AP3M1: variants seen among roughly 807,000 people sequenced by gnomAD.
The protein encoded by AP3M1 is adaptor related protein complex 3 subunit mu 1.
In AP3M1, 29 loss-of-function variants were observed where a neutral mutation model predicts 42.6. The ratio of observed to expected loss-of-function variants is 0.68; its 90% CI spans 0.51 to 0.93. The LOEUF is 0.93. AP3M1 is among the 40% of genes least tolerant of loss of function. The probability of loss-of-function intolerance (pLI) is 0.00; values close to 1 mark genes in which losing one functional copy is unlikely to be tolerated. For missense variants in AP3M1, 416 were observed against 510.2 expected (o/e 0.82, Z 1.78); for synonymous variants, 178 against 175.3 (o/e 1.02, Z -0.12).
At position 74,132,072 on chromosome 10, in the gene AP3M1, C is replaced by G. The variant is rs181744557; in HGVS notation, c.583+1955G>C. On this transcript the variant is annotated intron_variant, in intron 4 of 8. Transcript: ENST00000355264. ...GTTTTTTTAGAGATGGAGTCTCACT[C>G]TGTCACCCAGGCTGGAGTGCAGTGG... is the stretch of plus-strand genomic sequence containing the variant. 2.0e-5 allele frequency among the ~76,000 whole-genome samples: 3 copies of G among 152,040 alleles called. No individual in the cohort carries two copies. In the East Asian group the frequency reaches 5.8e-4, roughly 30 times the overall value.
chr10:74,123,496 A>G lies in AP3M1; in HGVS notation c.*314T>C. The G allele has an allele frequency of 3.1e-6, 1 of 321,038 alleles. No homozygotes were observed. The highest frequency in any genetic ancestry group is 4.6e-5 in the South Asian group (1 of 21,692). The allele number at this position is 321,038 out of a possible 1,614,324, so 19.9% of individuals were successfully genotyped here. A position where few individuals can be genotyped will look rare whatever the true frequency, so the allele number is the denominator to read the frequency against. ...AGACCAGTTAACTCTTTTAGGAGAG[A>G]GGTTATCACTACAGCTTTCTGCCTT... is the stretch of plus-strand genomic sequence containing the variant. On this transcript the variant is annotated 3_prime_UTR_variant, in exon 9 of 9. Transcript: ENST00000355264.
chr10:74,125,190 G>T (rs1343783626), intron 7 of AP3M1, among the ~76,000 whole-genome samples: 1 of 152,188 alleles, frequency 6.6e-6, no homozygotes, highest in East Asian at 1.9e-4. Flanking sequence ...TGTTGGTCAG[G>T]CTGGTCTCGA....
In AP3M1 at chr10:74,139,900, T is replaced by C. The variant is rs1454148413; in HGVS notation, c.-3-1518A>G. 2.3e-5 allele frequency among the ~76,000 whole-genome samples: 3 copies of C among 128,360 alleles called. No individual in the cohort carries two copies. In the Admixed American group the frequency reaches 2.7e-4, roughly 12 times the overall value. 84.2% of individuals were successfully genotyped at this position (128,360 alleles called of 152,430 possible). ...CTGTACTCCAGCCTGGGTGACAGAT[T>C]GAGACTCCATCTCAAAAAAAAAAAA... is the stretch of plus-strand genomic sequence containing the variant. On this transcript the variant is annotated intron_variant, in intron 1 of 8. Transcript: ENST00000355264.
chr10:74,128,863 G>A (rs546157956), intron 6 of AP3M1: 2 of 390,352 alleles, frequency 5.1e-6, no homozygotes, highest in South Asian at 7.1e-5. Context: ...GGTTATGTAT[G>A]GTTTGCTTGT....
In AP3M1 at chr10:74,132,597, T is replaced by C. The variant is rs188328415; in HGVS notation, c.583+1430A>G. Among the ~76,000 whole-genome samples the C allele has an allele frequency of 1.5e-3, 221 of 151,600 alleles. 1 individual carries two copies. Among genetic ancestry groups the C allele is most frequent in the African/African-American group, 5.0e-3 (206 of 41,356 alleles). On this transcript the variant is annotated intron_variant, in intron 4 of 8. Transcript: ENST00000355264. ...TGTACCTCCTGATTGGCTGGGACTA[T>C]AGGCTACTCAGGAGTTTGAGGTAGG...
At chr10:74,138,670 C>T in intron 1 of AP3M1, 2 of 224,934 alleles carry the variant, frequency 8.9e-6, no homozygotes, top group African/African-American at 4.7e-5. Flanking sequence ...GTGGCACATG[C>T]CTGTAATCTC....
At chr10:74,136,156 T>A (rs769163026) in intron 3 of AP3M1, among the ~76,000 whole-genome samples, 1 of 152,232 alleles carries the variant, frequency 6.6e-6, no homozygotes, top group Non-Finnish European at 1.5e-5. Flanking sequence ...ATCTTCTGAA[T>A]GCATAAAAAC....
At chr10:74,141,923 A>G (rs1841166534) in intron 1 of AP3M1, among the ~76,000 whole-genome samples, 1 of 147,064 alleles carries the variant, frequency 6.8e-6, no homozygotes, top group Non-Finnish European at 1.5e-5. Context: ...AGGTTTCACT[A>G]TGTTGGCCAG....
At chr10:74,128,313 C>G (rs1364295063) in intron 6 of AP3M1, among the ~76,000 whole-genome samples, 1 of 151,222 alleles carries the variant, frequency 6.6e-6, no homozygotes, top group Admixed American at 6.6e-5. Flanking sequence ...TGATCTGTCA[C>G]TGCAACCTCT....
intron 6 of AP3M1, chr10:74,128,892 C>T (rs1840694440): frequency 4.2e-6 from 2 of 471,562 alleles, no homozygotes; most frequent in Admixed American, 3.8e-5. Flanking sequence ...ATAGATTTTA[C>T]TCTAGTCTCA....
At chr10:74,127,484 A>T (rs1336738231) in intron 6 of AP3M1, among the ~76,000 whole-genome samples, 4 of 151,730 alleles carry the variant, frequency 2.6e-5, no homozygotes, top group Admixed American at 6.6e-5. Context: ...TCTCTAATAA[A>T]AAAAAAAAAT....
Position 74,126,277 on chromosome 10 carries a change from T to G in AP3M1, c.882A>C (p.Thr294=), listed in dbSNP as rs759971328. 26 of 1,614,194 alleles carry G rather than the reference T, an allele frequency of 1.6e-5. No homozygotes were observed. The highest frequency in any genetic ancestry group is 2.0e-5 in the Non-Finnish European group (24 of 1,180,036). The change falls in exon 7 of 9, where the codon ACA becomes ACC. Residue 294 remains threonine (T), a synonymous_variant. Coordinates refer to ENST00000355264, the MANE Select transcript of AP3M1 (RefSeq NM_012095.6). ...TCCCCATATTCTGCTTTGGTCCAAT[T>G]GTTATATCAAATCTGCCGCAAGAAC... ...ENSSCGRFDI[T]IGPKQNMGKT...
chr10:74,126,298 A>T lies in AP3M1; in HGVS notation c.861T>A (p.Ser287=). ...CAATTGTTATATCAAATCTGCCGCA[A>T]GAACTGTTCTCCTTAAAGCTGATAC... is the stretch of plus-strand genomic sequence containing the variant. The part of the protein sequence containing the change: ...KHSISFKENS[S]CGRFDITIGP... The change falls in exon 7 of 9, where the codon TCT becomes TCA. Residue 287 remains serine (S), a synonymous_variant. Transcript: ENST00000355264. The T allele has an allele frequency of 1.2e-6, 2 of 1,614,242 alleles. No individual in the cohort carries two copies. The highest frequency in any genetic ancestry group is 1.7e-6 in the Non-Finnish European group (2 of 1,180,038).
rs199572097 is a variant in AP3M1, at chr10:74,124,516, T to C, written c.1020A>G (p.Thr340=). 4 of 1,587,720 alleles carry C rather than the reference T, an allele frequency of 2.5e-6. No homozygotes were observed. The highest frequency in any genetic ancestry group is 3.4e-6 in the Non-Finnish European group (4 of 1,172,418). Residue 340 remains threonine, a synonymous_variant, in exon 8 of 9, where the codon ACA becomes ACG. Coordinates refer to ENST00000355264, the MANE Select transcript of AP3M1 (RefSeq NM_012095.6). The part of the protein sequence containing the change: ...YTFDPVTKVL[T]WDVGKITPQK... ...GTGGAGTAATTTTTCCCACATCCCATGTTAGTACCTTAAAAAGACAAAAAA... is the reference window on the plus strand; with the variant it reads ...GTGGAGTAATTTTTCCCACATCCCACGTTAGTACCTTAAAAAGACAAAAAA...
intron 7 of AP3M1, 46 bp downstream of exon 7, chr10:74,126,102 T>G: frequency 6.3e-7 from 1 of 1,595,218 alleles, no homozygotes; most frequent in Non-Finnish European, 8.6e-7. Context: ...AATCACAAAA[T>G]AGATTGCAGA....
intron 1 of AP3M1, among the ~76,000 whole-genome samples, chr10:74,146,416 G>A (rs1422025319): frequency 3.3e-5 from 5 of 152,088 alleles, no homozygotes; most frequent in Non-Finnish European, 7.3e-5. Context: ...CTGGATAATC[G>A]GTAACTGAAC....
chr10:74,123,626 G>A lies in AP3M1; in HGVS notation c.*184C>T, dbSNP rs1015495114. On this transcript the variant is annotated 3_prime_UTR_variant, in exon 9 of 9. Transcript: ENST00000355264. ...TACAAAATAAGCTAAGTCACTAAAA[G>A]GTTTCCTTAGCTTAAAGCTCCTTAA... The A allele has an allele frequency of 1.2e-5, 7 of 584,472 alleles. No homozygotes were observed. The highest frequency in any genetic ancestry group is 2.1e-5 in the Non-Finnish European group (7 of 328,208). The allele number at this position is 584,472 out of a possible 1,614,324, so 36.2% of individuals were successfully genotyped here. A position where few individuals can be genotyped will look rare whatever the true frequency, so the allele number is the denominator to read the frequency against.
chr10:74,139,208 C>CCA (rs1336966845), intron 1 of AP3M1, among the ~76,000 whole-genome samples: 3 of 151,828 alleles, frequency 2.0e-5, no homozygotes, highest in South Asian at 4.2e-4. Context: ...CCTAAGGAAT[C>CCA]CACACACACA....
intron 1 of AP3M1, among the ~76,000 whole-genome samples, chr10:74,147,775 C>T (rs891077849): frequency 1.3e-5 from 2 of 151,812 alleles, no homozygotes; most frequent in African/African-American, 2.4e-5. Context: ...CTGAGGCGGG[C>T]AGATCACGAG....
Sources: allele counts gnomAD v4.1 joint callset (sites outside exome capture counted in the v4.1 genomes callset), GRCh38; gene constraint gnomAD v4.1.1; transcripts MANE v1.5; gene names NCBI Gene and HGNC (gene_info 2026-07-23, HGNC 2026-07-21).